The following DCP2 variants were observed in gnomAD, a reference collection of about 807,000 sequenced individuals.
The protein encoded by DCP2 is m7GpppN-mRNA hydrolase.
A neutral mutation model predicts 56.1 loss-of-function variants in DCP2; 30 were observed. The observed-to-expected ratio is 0.53, with a 90% CI of 0.40 to 0.73. The LOEUF is 0.73. DCP2 is among the 30% of genes least tolerant of loss of function. The probability of loss-of-function intolerance (pLI) is 0.00; values close to 1 mark genes in which losing one functional copy is unlikely to be tolerated. For missense variants in DCP2, 533 were observed against 502.7 expected, an observed-to-expected ratio of 1.06 and a Z score of -0.58; for synonymous variants, 197 against 163.3, an observed-to-expected ratio of 1.21 and a Z score of -1.57.
intron 2 of DCP2, among the ~76,000 whole-genome samples, chr5:112,991,867 A>G (rs1168409197): frequency 4.6e-5 from 7 of 152,200 alleles, no homozygotes; most frequent in African/African-American, 1.4e-4. Flanking sequence ...GTAGGCTACA[A>G]ATGAAAAAGT....
chr5:113,012,753 C>T (rs1292218643), intron 10 of DCP2, among the ~76,000 whole-genome samples: 3 of 152,172 alleles, frequency 2.0e-5, no homozygotes, highest in African/African-American at 4.8e-5. Flanking sequence ...AAGTCATTCT[C>T]CTGCCTCAGC....
chr5:113,000,420 A>ACACACACACACACACACACC (rs112449298), intron 4 of DCP2, among the ~76,000 whole-genome samples: 10 of 146,762 alleles, frequency 6.8e-5, no homozygotes, highest in African/African-American at 2.3e-4. Context: ...ACACACACAC[A>ACACACACACACACACACACC]CACACCCACA....
chr5:112,999,651 G>A (rs13171553), intron 4 of DCP2, among the ~76,000 whole-genome samples: 67,583 of 149,554 alleles, frequency 0.45, 16,155 homozygotes, highest in East Asian at 0.64. Flanking sequence ...TTTAAAGACA[G>A]GGTCTTGCTC....
intron 2 of DCP2, among the ~76,000 whole-genome samples, chr5:112,988,651 C>T (rs1286155544): frequency 2.6e-5 from 4 of 151,934 alleles, no homozygotes; most frequent in African/African-American, 9.7e-5. Context: ...ATGATCAAAC[C>T]GTTTGATTAA....
chr5:112,987,193 G>GA (rs893154424), intron 2 of DCP2, among the ~76,000 whole-genome samples: 1 of 151,564 alleles, frequency 6.6e-6, no homozygotes, highest in Non-Finnish European at 1.5e-5. Flanking sequence ...CTAGAATTTG[G>GA]AAAAAAAAGT....
At chr5:112,977,212 G>T (rs1315615333) in intron 1 of DCP2, among the ~76,000 whole-genome samples, 1 of 152,066 alleles carries the variant, frequency 6.6e-6, no homozygotes, top group African/African-American at 2.4e-5. Flanking sequence ...AGAACACCCG[G>T]AATTTCCTCA....
intron 4 of DCP2, among the ~76,000 whole-genome samples, chr5:112,996,110 G>T (rs1268419104): frequency 1.3e-5 from 2 of 152,160 alleles, no homozygotes; most frequent in Non-Finnish European, 2.9e-5. Context: ...TTCAACATAT[G>T]AATTTTTTTG....
intron 1 of DCP2, among the ~76,000 whole-genome samples, chr5:112,978,962 G>A (rs971710920): frequency 6.6e-6 from 1 of 152,082 alleles, no homozygotes; most frequent in African/African-American, 2.4e-5. Flanking sequence ...TTCTAGTATT[G>A]GGGTTAATTT....
Position 113,019,976 on chromosome 5 carries a change from T to G in DCP2, c.*6492T>G, listed in dbSNP as rs1750038384. On this transcript the variant is annotated 3_prime_UTR_variant, in exon 11 of 11. Transcript: ENST00000389063. ...GGGAAAGTGGTAAGACTTGACTTTTTAATACTGTGCCTATTTCCAAAAGAA... is the reference window on the plus strand; with the variant it reads ...GGGAAAGTGGTAAGACTTGACTTTTGAATACTGTGCCTATTTCCAAAAGAA... 1 of 152,238 alleles carries G rather than the reference T, an allele frequency of 6.6e-6. No individual in the cohort carries two copies. Among genetic ancestry groups the G allele is most frequent in the South Asian group, 2.1e-4 (1 of 4,838 alleles). 9.4% of individuals were successfully genotyped at this position (152,238 alleles called of 1,614,324 possible). A position where few individuals can be genotyped will look rare whatever the true frequency, so the allele number is the denominator to read the frequency against.
chr5:113,001,460 C>T lies in DCP2; in HGVS notation c.689C>T (p.Pro230Leu). Residue 230 changes from proline (P) to leucine (L), a missense_variant, in exon 6 of 11, where the codon CCC becomes CTC. Around this residue, in one of 3 missense-constraint regions of DCP2, gnomAD observed 392 missense variants for 346.6 expected, o/e 1.13. Transcript: ENST00000389063. The part of the protein sequence containing the change: ...LAPNKFFMAI[P>L]FIRPLRDWLS... ...CCTAACAAATTTTTTATGGCCATTC[C>T]CTTTATCAGGTGTGTTCATATTTCT... 6.2e-7 allele frequency: 1 copy of T among 1,613,120 alleles called. No homozygotes were observed. The highest frequency in any genetic ancestry group is 1.7e-4 in the Middle Eastern group (1 of 6,060).
In DCP2 at chr5:112,984,697, A is replaced by ATATAT. The variant is rs1436502850; in HGVS notation, c.54-1138_54-1137insTATAT. ...TTTTATTTCTTAATTAAAAAAAAAAAAAAAAAATATATATATATATATATA... is the reference window on the plus strand; with the variant it reads ...TTTTATTTCTTAATTAAAAAAAAAAATATATAAAAAAATATATATATATATATATA... On this transcript the variant is annotated intron_variant, in intron 1 of 10. Transcript: ENST00000389063. 50 of 76,166 alleles carry ATATAT rather than the reference A, an allele frequency of 6.6e-4. 1 individual carries two copies. The highest frequency in any genetic ancestry group is 6.4e-3 in the Middle Eastern group (1 of 156). The allele number at this position is 76,166 out of a possible 1,614,324, so 4.7% of individuals were successfully genotyped here.
chr5:113,019,170 T>C lies in DCP2; in HGVS notation c.*5686T>C, dbSNP rs1309330453. On this transcript the variant is annotated 3_prime_UTR_variant, in exon 11 of 11. Transcript: ENST00000389063. ...GCTTCATTTTGAGCACAAGTCTGCA[T>C]TGTCATTTTTTAAGAGATTGGCAGG... 2 of 152,234 alleles carry C rather than the reference T, an allele frequency of 1.3e-5. No individual in the cohort carries two copies. Among genetic ancestry groups the C allele is most frequent in the African/African-American group, 2.4e-5 (1 of 41,466 alleles). The allele number at this position is 152,234 out of a possible 1,614,324, so 9.4% of individuals were successfully genotyped here. A position where few individuals can be genotyped will look rare whatever the true frequency, so the allele number is the denominator to read the frequency against.
At chr5:113,002,544 C>T (rs1749227993) in intron 7 of DCP2, among the ~76,000 whole-genome samples, 1 of 151,950 alleles carries the variant, frequency 6.6e-6, no homozygotes, top group African/African-American at 2.4e-5. Context: ...GTTTTTGAGG[C>T]AGGGTCTCTC....
intron 1 of DCP2, chr5:112,984,089 G>A (rs1400993803): frequency 7.2e-5 from 11 of 152,344 alleles, no homozygotes; most frequent in Middle Eastern, 3.4e-3. Context: ...GGATGCTTGT[G>A]AAAGGGCAGT....
Position 112,985,951 on chromosome 5 carries a change from T to C in DCP2, c.170T>C (p.Leu57Ser), listed in dbSNP as rs1184894439. 1 of 1,587,650 alleles carries C rather than the reference T, an allele frequency of 6.3e-7. No individual in the cohort carries two copies. ...LDFYMQNTPG[L>S]PQCGIRDFAK... ...TTCTACATGCAGAACACACCAGGAT[T>C]ACCTCAGTGTGGGATAAGAGACTTT... is the stretch of plus-strand genomic sequence containing the variant. Residue 57 changes from leucine (L) to serine (S), a missense_variant, in exon 2 of 11, where the codon TTA (leucine) becomes TCA (serine). Transcript: ENST00000389063.
At chr5:113,003,421 A>G (rs1749272718) in intron 7 of DCP2, among the ~76,000 whole-genome samples, 1 of 152,120 alleles carries the variant, frequency 6.6e-6, no homozygotes, top group Non-Finnish European at 1.5e-5. Context: ...GTGCAGGGTC[A>G]AAAAATTAGC....
At chr5:112,997,462 A>G (rs1035177330) in intron 4 of DCP2, among the ~76,000 whole-genome samples, 1 of 152,174 alleles carries the variant, frequency 6.6e-6, no homozygotes, top group African/African-American at 2.4e-5. Context: ...TTTCATGTGC[A>G]CTTATATAAT....
At position 113,020,025 on chromosome 5, in the gene DCP2, A is replaced by G. The variant is rs981350062; in HGVS notation, c.*6541A>G. 4.2e-4 allele frequency: 64 copies of G among 152,338 alleles called. No individual in the cohort carries two copies. The highest frequency in any genetic ancestry group is 1.5e-3 in the African/African-American group (63 of 41,588). 9.4% of individuals were successfully genotyped at this position (152,338 alleles called of 1,614,324 possible). ...AAGACTTGATGTGGCTTTTTACATT[A>G]TGCTTTAAAGATGTTAATGGAGGAT... On this transcript the variant is annotated 3_prime_UTR_variant, in exon 11 of 11. Coordinates refer to ENST00000389063, the MANE Select transcript of DCP2 (RefSeq NM_152624.6).
intron 10 of DCP2, among the ~76,000 whole-genome samples, chr5:113,011,443 A>G (rs1001456246): frequency 1.3e-5 from 2 of 152,230 alleles, no homozygotes; most frequent in African/African-American, 4.8e-5. Context: ...AGTAGATGAT[A>G]CTTGGAAGTG....
Sources: gnomAD v4.1 joint callset for allele counts (sites outside exome capture counted in the v4.1 genomes callset) on GRCh38, gnomAD v4.1.1 for gene constraint, gnomAD v4.1.1 regional missense constraint, MANE v1.5 for transcripts, NCBI Gene and HGNC (gene_info 2026-07-23, HGNC 2026-07-21) for gene names.